Variants in DACH2 observed in about 807,000 individuals in gnomAD.
The protein encoded by DACH2 is dachshund homolog 2.
Under a neutral mutation model 35.8 loss-of-function variants are expected in DACH2, and 17 were observed. The ratio of observed to expected loss-of-function variants is 0.48; its 90% CI spans 0.33 to 0.71. The LOEUF (loss-of-function observed/expected upper bound fraction) is 0.71, where lower values mean the gene tolerates loss of function less well. Among genes scored for constraint, DACH2 ranks in the 30% least tolerant of loss-of-function variants. DACH2 has a pLI of 0.02. For synonymous variants in DACH2, 195 were observed against 177.3 expected (o/e 1.10, Z -0.79); for missense variants, 469 against 472.7 (o/e 0.99, Z 0.07).
At chrX:86,197,417 C>A (rs1035998860) in intron 1 of DACH2, among the ~76,000 whole-genome samples, 2 of 111,360 alleles carry the variant, frequency 1.8e-5, no homozygotes, top group African/African-American at 6.5e-5. Context: ...TGAATACCAA[C>A]CTTGAATGTA....
intron 1 of DACH2, among the ~76,000 whole-genome samples, chrX:86,150,596 T>A (rs760130151): frequency 8.9e-6 from 1 of 112,039 alleles, no homozygotes; most frequent in Admixed American, 9.5e-5. Flanking sequence ...AACTCCTACC[T>A]GATTCATATT....
At position 86,636,309 on chromosome X, in the gene DACH2, G is replaced by A. The variant is rs183844450; in HGVS notation, c.641-14727G>A. Among the ~76,000 whole-genome samples the A allele has an allele frequency of 5.6e-3, 617 of 110,742 alleles. 3 individuals carry two copies. Among genetic ancestry groups the A allele is most frequent in the African/African-American group, 0.019 (588 of 30,415 alleles). ...TAAAAATACCAAAAATGAGCCGGGC[G>A]TAGTGACGGGTGCCTGTAATCCCAG... On this transcript the variant is annotated intron_variant, in intron 3 of 11. Transcript: ENST00000373125.
chrX:86,466,864 G>A (rs12396768), intron 2 of DACH2, among the ~76,000 whole-genome samples: 47,921 of 109,294 alleles, frequency 0.44, 8,262 homozygotes, highest in Admixed American at 0.61. Flanking sequence ...TTTCAGCCAC[G>A]GCTGGAGTGG....
At chrX:86,387,908 T>C (rs1342995383) in intron 2 of DACH2, among the ~76,000 whole-genome samples, 11 of 112,397 alleles carry the variant, frequency 9.8e-5, no homozygotes, top group Admixed American at 9.4e-4. Flanking sequence ...AAACATACAG[T>C]TGAAATGGCT....
chrX:86,159,449 T>G (rs1159883669), intron 1 of DACH2, among the ~76,000 whole-genome samples: 1 of 111,861 alleles, frequency 8.9e-6, no homozygotes, highest in African/African-American at 3.2e-5. Context: ...TGTAGAAAAA[T>G]CTGTGAGTTC....
intron 2 of DACH2, among the ~76,000 whole-genome samples, chrX:86,465,826 G>A (rs2037657065): frequency 8.9e-6 from 1 of 111,854 alleles, no homozygotes; most frequent in Admixed American, 9.5e-5. Flanking sequence ...ACTCTTCAAT[G>A]TAATCATGAA....
intron 3 of DACH2, among the ~76,000 whole-genome samples, chrX:86,519,467 A>C (rs2038520112): frequency 8.9e-6 from 1 of 111,777 alleles, no homozygotes; most frequent in African/African-American, 3.3e-5. Context: ...TTCAGTAGGA[A>C]TAATACCAGC....
chrX:86,515,894 T>A (rs757074394), intron 3 of DACH2, among the ~76,000 whole-genome samples: 1 of 112,212 alleles, frequency 8.9e-6, no homozygotes, highest in South Asian at 3.6e-4. Context: ...AAAGGAGAAA[T>A]ATTGAGGGCC....
At chrX:86,410,719 C>T (rs2036597135) in intron 2 of DACH2, among the ~76,000 whole-genome samples, 1 of 110,180 alleles carries the variant, frequency 9.1e-6, no homozygotes, top group Non-Finnish European at 1.9e-5. Context: ...TTTCTTATGT[C>T]AACTTGAAAT....
chrX:86,546,391 T>TC (rs1256799633), intron 3 of DACH2, among the ~76,000 whole-genome samples: 26 of 75,938 alleles, frequency 3.4e-4, no homozygotes, highest in African/African-American at 1.4e-3. Context: ...TTCTTCTTCT[T>TC]CTTCTTCTTC....
In DACH2 at chrX:86,318,749, A is replaced by G. The variant is rs185641596; in HGVS notation, c.489-58075A>G. 3.7e-3 allele frequency among the ~76,000 whole-genome samples: 412 copies of G among 111,702 alleles called. 2 individuals carry two copies. The highest frequency in any genetic ancestry group is 0.013 in the African/African-American group (388 of 30,727). On this transcript the variant is annotated intron_variant, in intron 1 of 11. Transcript: ENST00000373125. ...CTCCAGGGGCCCTCTGTAGCACCCA[A>G]AAGCTAGGGATCAGGAAAGACAACC...
intron 7 of DACH2, among the ~76,000 whole-genome samples, chrX:86,779,630 A>G (rs1235425111): frequency 9.0e-6 from 1 of 111,496 alleles, no homozygotes. Context: ...TAGTCAAATT[A>G]CAACTGCAGT....
intron 4 of DACH2, among the ~76,000 whole-genome samples, chrX:86,652,535 A>T (rs188690138): frequency 2.7e-5 from 3 of 112,116 alleles, no homozygotes; most frequent in African/African-American, 9.7e-5. Flanking sequence ...TGCTTTCCCT[A>T]ATAGTTGAAC....
intron 1 of DACH2, among the ~76,000 whole-genome samples, chrX:86,329,621 T>C (rs2035176589): frequency 9.0e-6 from 1 of 111,271 alleles, no homozygotes; most frequent in Non-Finnish European, 1.9e-5. Flanking sequence ...CAGTGAGCTT[T>C]GGATTTGGTG....
chrX:86,336,797 C>G (rs1482686025), intron 1 of DACH2, among the ~76,000 whole-genome samples: 2 of 109,810 alleles, frequency 1.8e-5, no homozygotes, highest in Non-Finnish European at 3.8e-5. Context: ...GGAGCATGTT[C>G]TAACCCAATG....
At chrX:86,712,924 G>A (rs1430108133) in intron 5 of DACH2, among the ~76,000 whole-genome samples, 1 of 111,244 alleles carries the variant, frequency 9.0e-6, no homozygotes, top group African/African-American at 3.3e-5. Flanking sequence ...AAGTTTCTAG[G>A]TTAGGTTTTA....
At position 86,714,679 on chromosome X, in the gene DACH2, A is replaced by T; in HGVS notation, c.1063A>T (p.Ile355Phe). ...TGCCAACATGGCTGCTGCAGCACAG[A>T]TTCACAGTCCACTCTCCAGAGCTGG... The part of the protein sequence containing the change: ...TIANMAAAAQ[I>F]HSPLSRAGTS... The change falls in exon 6 of 12, where the codon ATT becomes TTT. Residue 355 changes from isoleucine (I) to phenylalanine (F), a missense_variant. By Grantham distance (21) the Ile-to-Phe change is conservative (BLOSUM62 0). Around this residue, in one of 3 missense-constraint regions of DACH2, gnomAD observed 363 missense variants for 334.4 expected, o/e 1.09. Coordinates refer to ENST00000373125, the MANE Select transcript of DACH2 (RefSeq NM_053281.3). 2.5e-6 allele frequency: 3 copies of T among 1,199,808 alleles called. No homozygotes were observed. The highest frequency in any genetic ancestry group is 3.4e-6 in the Non-Finnish European group (3 of 887,622).
At chrX:86,245,518 C>A (rs1267949226) in intron 1 of DACH2, among the ~76,000 whole-genome samples, 2 of 111,829 alleles carry the variant, frequency 1.8e-5, no homozygotes, top group Non-Finnish European at 3.8e-5. Context: ...AATTCATGGG[C>A]CTGGTACTAG....
At chrX:86,409,753 G>A (rs1280797204) in intron 2 of DACH2, among the ~76,000 whole-genome samples, 1 of 111,961 alleles carries the variant, frequency 8.9e-6, no homozygotes, top group Non-Finnish European at 1.9e-5. Flanking sequence ...AATAGCCAAT[G>A]CAGATATACA....
Sources: gnomAD v4.1 joint callset for allele counts (sites outside exome capture counted in the v4.1 genomes callset) on GRCh38, gnomAD v4.1.1 for gene constraint, gnomAD v4.1.1 regional missense constraint, MANE v1.5 for transcripts, NCBI Gene and HGNC (gene_info 2026-07-23, HGNC 2026-07-21) for gene names.